Variants in FAM114A2 observed in about 807,000 individuals in gnomAD.
FAM114A2 encodes protein FAM114A2.
Under a neutral mutation model 58.4 loss-of-function variants are expected in FAM114A2, and 53 were observed. That is an observed-to-expected ratio of 0.91 (90% CI 0.73 to 1.14). The LOEUF (loss-of-function observed/expected upper bound fraction) is 1.14, where lower values mean the gene tolerates loss of function less well. Ranked by LOEUF, FAM114A2 falls within the 50% of genes most tolerant of loss-of-function variation. FAM114A2 has a pLI of 0.00. For missense variants in FAM114A2, 601 were observed against 581.1 expected (o/e 1.03, Z -0.35); for synonymous variants, 228 against 211.4 (o/e 1.08, Z -0.68).
chr5:154,002,707 T>G, intron 10 of FAM114A2, 140 bp downstream of exon 10: 1 of 891,644 alleles, frequency 1.1e-6, no homozygotes, highest in Non-Finnish European at 1.7e-6. Context: ...AATCTTATAG[T>G]CTGGATCTAA....
chr5:154,009,916 G>T (rs550766027), intron 9 of FAM114A2, among the ~76,000 whole-genome samples: 1 of 152,326 alleles, frequency 6.6e-6, no homozygotes, highest in East Asian at 1.9e-4. Context: ...AGAGGAAAAA[G>T]TTTGGTATTA....
At chr5:154,028,698 CCA>C (rs1771970730) in intron 5 of FAM114A2, among the ~76,000 whole-genome samples, 1 of 152,162 alleles carries the variant, frequency 6.6e-6, no homozygotes, top group African/African-American at 2.4e-5. Flanking sequence ...ATCAAATCTA[CCA>C]CACAAACTGC....
At chr5:153,999,412 G>C (rs1336357153) in intron 11 of FAM114A2, among the ~76,000 whole-genome samples, 1 of 152,074 alleles carries the variant, frequency 6.6e-6, no homozygotes, top group Non-Finnish European at 1.5e-5. Flanking sequence ...AAGGCAGGTG[G>C]ATCACTTGAG....
chr5:154,031,261 G>C (rs184486821), intron 4 of FAM114A2, among the ~76,000 whole-genome samples: 1 of 123,210 alleles, frequency 8.1e-6, no homozygotes, highest in Non-Finnish European at 1.6e-5. Flanking sequence ...GCAGTGAGCT[G>C]AGATCGCACC....
In FAM114A2 at chr5:153,993,041, T is replaced by G. The variant is rs1227815330; in HGVS notation, c.1453A>C (p.Ile485Leu). Reference sequence around the variant, plus strand: ...CTGTGTGATTCAATCTTGTTCTCAATGAGAGAGATCTCTAGCACAGGTAAG... The same window carrying G: ...CTGTGTGATTCAATCTTGTTCTCAAGGAGAGAGATCTCTAGCACAGGTAAG... The part of the protein sequence containing the change: ...LLLPVLEISL[I>L]ENKIESHRHE... Residue 485 changes from isoleucine (I) to leucine (L), a missense_variant, in exon 14 of 14, where the codon ATT becomes CTT. Physicochemically the swap from Ile to Leu is conservative, Grantham distance 5 (BLOSUM62 2). Coordinates refer to ENST00000351797, the MANE Select transcript of FAM114A2 (RefSeq NM_018691.4). The G allele has an allele frequency of 6.2e-7, 1 of 1,613,600 alleles. No individual in the cohort carries two copies. Among genetic ancestry groups the G allele is most frequent in the South Asian group, 1.1e-5 (1 of 91,034 alleles).
At chr5:154,011,997 T>C (rs1347224920) in intron 8 of FAM114A2, among the ~76,000 whole-genome samples, 2 of 152,172 alleles carry the variant, frequency 1.3e-5, no homozygotes, top group Non-Finnish European at 2.9e-5. Flanking sequence ...AACCACTGAA[T>C]GGTTTTAAGC....
chr5:154,037,173 G>A (rs1772621866), intron 1 of FAM114A2: 1 of 152,234 alleles, frequency 6.6e-6, no homozygotes, highest in African/African-American at 2.4e-5. Flanking sequence ...AAAGGCCTGA[G>A]GTCTGACAGT....
In FAM114A2 at chr5:154,002,964, T is replaced by C. The variant is rs1241878508; in HGVS notation, c.999A>G (p.Arg333=). The change falls in exon 10 of 14, where the codon AGA becomes AGG. Residue 333 remains arginine (R), a synonymous_variant. Coordinates refer to ENST00000351797, the MANE Select transcript of FAM114A2 (RefSeq NM_018691.4). ...TCCTGATCCATTCGTGGGCGGTATT[T>C]CTTGCCTAAATAAGAAAAATATTGG... ...SSKPEKLARA[R]NTAHEWIRKS... 6.2e-7 allele frequency: 1 copy of C among 1,613,592 alleles called. No individual in the cohort carries two copies. The highest frequency in any genetic ancestry group is 8.5e-7 in the Non-Finnish European group (1 of 1,179,800).
intron 11 of FAM114A2, among the ~76,000 whole-genome samples, chr5:153,999,525 T>C (rs1220202838): frequency 1.3e-5 from 2 of 151,438 alleles, no homozygotes; most frequent in Non-Finnish European, 2.9e-5. Context: ...TCCCAGCTAC[T>C]CAGGAGGCGG....
At chr5:154,004,303 A>G (rs1441265271) in intron 9 of FAM114A2, among the ~76,000 whole-genome samples, 1 of 152,048 alleles carries the variant, frequency 6.6e-6, no homozygotes, top group Non-Finnish European at 1.5e-5. Flanking sequence ...TCTTTTATAT[A>G]TTGATCCTAA....
chr5:153,992,967 C>A lies in FAM114A2; in HGVS notation c.*9G>T. 1 of 1,608,308 alleles carries A rather than the reference C, an allele frequency of 6.2e-7. No homozygotes were observed. Among genetic ancestry groups the A allele is most frequent in the South Asian group, 1.1e-5 (1 of 90,024 alleles). ...CGTCACAAGTCCCAGGTCAAAACGT[C>A]TCCATTCTTCAATGTTCTAACAAAG... On this transcript the variant is annotated 3_prime_UTR_variant, in exon 14 of 14. Transcript: ENST00000351797.
chr5:153,992,716 A>T lies in FAM114A2; in HGVS notation c.*260T>A. 3.6e-6 allele frequency: 1 copy of T among 278,638 alleles called. No individual in the cohort carries two copies. The highest frequency in any genetic ancestry group is 1.4e-4 in the South Asian group (1 of 6,976). The allele number at this position is 278,638 out of a possible 1,614,324, so 17.3% of individuals were successfully genotyped here. A position where few individuals can be genotyped will look rare whatever the true frequency, so the allele number is the denominator to read the frequency against. On this transcript the variant is annotated 3_prime_UTR_variant, in exon 14 of 14. Transcript: ENST00000351797. ...TTGCCTGAGTGTCCCACTAATCTTT[A>T]TCTAGAGTTATTATTCTTGGACTTT...
At chr5:154,026,061 T>C (rs1581822948) in intron 8 of FAM114A2, among the ~76,000 whole-genome samples, 1 of 152,188 alleles carries the variant, frequency 6.6e-6, no homozygotes, top group African/African-American at 2.4e-5. Context: ...AAAGCTCATA[T>C]GAATGACCAG....
At chr5:154,018,355 A>G (rs1442306147) in intron 8 of FAM114A2, among the ~76,000 whole-genome samples, 1 of 152,168 alleles carries the variant, frequency 6.6e-6, no homozygotes, top group Non-Finnish European at 1.5e-5. Context: ...CCTAGCTTAA[A>G]TCAGGAAGAA....
rs567545717 is a variant in FAM114A2, at chr5:154,018,431, CA to C, written c.914-7112del. On this transcript the variant is annotated intron_variant, in intron 8 of 13. Coordinates refer to ENST00000351797, the MANE Select transcript of FAM114A2 (RefSeq NM_018691.4). The stretch of plus-strand genomic sequence containing the variant: ...AAATGGTAATTTTAAAAATTACCAA[CA>C]AAAAAAAGTCCAGGACCAGACGGAT... Among the ~76,000 whole-genome samples, 4 of 151,440 alleles carry C rather than the reference CA, an allele frequency of 2.6e-5. No homozygotes were observed. In the South Asian group the frequency reaches 6.3e-4, roughly 24 times the overall value.
chr5:154,002,447 C>A, intron 10 of FAM114A2, 57 bp from the exon 11 acceptor site: 2 of 1,556,086 alleles, frequency 1.3e-6, no homozygotes, highest in Non-Finnish European at 8.8e-7. Context: ...GGAAAGATAC[C>A]ACCTTACTTC....
chr5:154,010,794 C>T (rs1978855), intron 9 of FAM114A2, among the ~76,000 whole-genome samples: 93,348 of 152,014 alleles, frequency 0.61, 29,207 homozygotes, highest in East Asian at 0.88. Flanking sequence ...CATTTCCACA[C>T]GCCAAATAGT....
At chr5:154,035,768 CTT>C (rs1379034160) in intron 1 of FAM114A2, among the ~76,000 whole-genome samples, 1 of 152,196 alleles carries the variant, frequency 6.6e-6, no homozygotes, top group Admixed American at 6.5e-5. Flanking sequence ...CTGCCATACT[CTT>C]TTCCAGACTA....
At chr5:153,999,267 A>T (rs1233381280) in intron 11 of FAM114A2, among the ~76,000 whole-genome samples, 1 of 152,216 alleles carries the variant, frequency 6.6e-6, no homozygotes, top group Non-Finnish European at 1.5e-5. Context: ...TGATGTATCA[A>T]TCATCAGGAA....
Sources: gnomAD v4.1 joint callset for allele counts (sites outside exome capture counted in the v4.1 genomes callset) on GRCh38, gnomAD v4.1.1 for gene constraint, MANE v1.5 for transcripts, NCBI Gene and HGNC (gene_info 2026-07-23, HGNC 2026-07-21) for gene names.